Variants in KYNU observed in about 807,000 individuals in gnomAD.
KYNU encodes the protein L-kynurenine hydrolase.
In KYNU, 54 loss-of-function variants were observed where a neutral mutation model predicts 59.2. The ratio of observed to expected loss-of-function variants is 0.91; its 90% CI spans 0.73 to 1.14. KYNU has a LOEUF of 1.14. Ranked by LOEUF, KYNU falls within the 50% of genes most tolerant of loss-of-function variation. The probability of loss-of-function intolerance (pLI) is 0.00; values close to 1 mark genes in which losing one functional copy is unlikely to be tolerated. For synonymous variants in KYNU, 177 were observed against 192.0 expected (o/e 0.92, Z 0.65); for missense variants, 567 against 554.4 (o/e 1.02, Z -0.23).
At chr2:142,918,186 T>A (rs1288124458) in intron 2 of KYNU, among the ~76,000 whole-genome samples, 2 of 152,332 alleles carry the variant, frequency 1.3e-5, no homozygotes, top group South Asian at 2.1e-4. Flanking sequence ...TTGCATTTTT[T>A]AAAAAAATTG....
At chr2:142,984,459 C>T (rs1205283702) in intron 8 of KYNU, among the ~76,000 whole-genome samples, 2 of 152,002 alleles carry the variant, frequency 1.3e-5, no homozygotes, top group Non-Finnish European at 2.9e-5. Context: ...AAATACATCA[C>T]ACATGTGAAT....
rs1237392708 is a variant in KYNU, at chr2:143,046,371, C to A, written c.*4199C>A. On this transcript the variant is annotated 3_prime_UTR_variant, in exon 14 of 14. Coordinates refer to ENST00000264170, the MANE Select transcript of KYNU (RefSeq NM_003937.3). ...AGCTTTCCATTCATTTTCACTGCTG[C>A]TCAGTATTGTATTACAAATTTTACA... The A allele has an allele frequency of 6.6e-6, 1 of 152,082 alleles. No homozygotes were observed. The highest frequency in any genetic ancestry group is 1.5e-5 in the Non-Finnish European group (1 of 68,016). 9.4% of individuals were successfully genotyped at this position (152,082 alleles called of 1,614,324 possible). A position where few individuals can be genotyped will look rare whatever the true frequency, so the allele number is the denominator to read the frequency against.
chr2:142,984,070 A>G (rs1207685318), intron 8 of KYNU, among the ~76,000 whole-genome samples: 2 of 152,000 alleles, frequency 1.3e-5, no homozygotes, highest in Non-Finnish European at 2.9e-5. Context: ...GAGTTCTGGT[A>G]TGGAATTTGA....
At chr2:143,024,610 C>A (rs531790892) in intron 10 of KYNU, among the ~76,000 whole-genome samples, 2 of 152,032 alleles carry the variant, frequency 1.3e-5, no homozygotes, top group Non-Finnish European at 2.9e-5. Context: ...ACATTTGAAG[C>A]CAATCTGACA....
intron 10 of KYNU, 87 bp downstream of exon 10, chr2:142,986,108 T>C (rs1444336173): frequency 2.3e-6 from 2 of 880,396 alleles, no homozygotes; most frequent in African/African-American, 3.3e-5. Context: ...TTCCTTAAGA[T>C]GCTATCCAAT....
At chr2:143,014,695 G>A (rs150263723) in intron 10 of KYNU, among the ~76,000 whole-genome samples, 27 of 152,216 alleles carry the variant, frequency 1.8e-4, no homozygotes, top group African/African-American at 6.0e-4. Context: ...AGAAAGTTAC[G>A]GGAGACCATT....
chr2:142,975,818 T>C (rs1230664076), intron 8 of KYNU, among the ~76,000 whole-genome samples: 1 of 152,236 alleles, frequency 6.6e-6, no homozygotes, highest in African/African-American at 2.4e-5. Flanking sequence ...CCAGAGTTTT[T>C]AAATCACTAC....
chr2:142,913,086 G>GT (rs1300884232), intron 2 of KYNU, among the ~76,000 whole-genome samples: 7 of 152,088 alleles, frequency 4.6e-5, no homozygotes, highest in Non-Finnish European at 8.8e-5. Flanking sequence ...TGAATCCTCT[G>GT]TTTTTTTCTT....
intron 4 of KYNU, among the ~76,000 whole-genome samples, chr2:142,940,144 A>G (rs1461891689): frequency 7.1e-6 from 1 of 140,222 alleles, no homozygotes; most frequent in Admixed American, 6.8e-5. Flanking sequence ...GTTTGTGTTC[A>G]TTTGTTAGAA....
chr2:142,892,176 G>A (rs1311296641), intron 2 of KYNU, among the ~76,000 whole-genome samples: 1 of 152,246 alleles, frequency 6.6e-6, no homozygotes, highest in Non-Finnish European at 1.5e-5. Flanking sequence ...AGACTCCAAA[G>A]TGTTGGGATT....
At chr2:142,940,404 A>C (rs1253389353) in intron 4 of KYNU, among the ~76,000 whole-genome samples, 4 of 152,206 alleles carry the variant, frequency 2.6e-5, no homozygotes, top group Non-Finnish European at 5.9e-5. Flanking sequence ...TTATTCAGTG[A>C]GATTTATTTA....
chr2:142,896,811 G>T (rs188782700), intron 2 of KYNU, among the ~76,000 whole-genome samples: 1 of 152,160 alleles, frequency 6.6e-6, no homozygotes, highest in Non-Finnish European at 1.5e-5. Flanking sequence ...GCATTTCAGC[G>T]TACAAGTTGT....
At chr2:143,026,473 G>C (rs879395822) in intron 10 of KYNU, among the ~76,000 whole-genome samples, 1 of 152,238 alleles carries the variant, frequency 6.6e-6, no homozygotes, top group Non-Finnish European at 1.5e-5. Flanking sequence ...GAGTGCACGA[G>C]CGAACGAGTA....
rs142333936 is a variant in KYNU at position 142,961,651 on chromosome 2, G to C, written c.729+881G>C. ...ATTTTTTATACTGCCTGTAATGAGA[G>C]CTTTTTTTCCTACCCACTACTAAAT... is the stretch of plus-strand genomic sequence containing the variant. On this transcript the variant is annotated intron_variant, in intron 8 of 13. Transcript: ENST00000264170. 4.3e-3 allele frequency among the ~76,000 whole-genome samples: 655 copies of C among 151,994 alleles called. 4 individuals carry two copies. Among genetic ancestry groups the C allele is most frequent in the African/African-American group, 0.015 (634 of 41,456 alleles).
chr2:142,960,820 T>A, intron 8 of KYNU, 50 bp downstream of exon 8: 1 of 1,557,140 alleles, frequency 6.4e-7, no homozygotes, highest in Non-Finnish European at 8.9e-7. Flanking sequence ...ATCACTCTAC[T>A]TAAGAGTGTT....
intron 1 of KYNU, among the ~76,000 whole-genome samples, chr2:142,883,571 T>C (rs1681384497): frequency 6.6e-6 from 1 of 152,118 alleles, no homozygotes; most frequent in African/African-American, 2.4e-5. Context: ...TTCCCTCTTT[T>C]TCCCTCCCTA....
At chr2:142,908,875 C>T (rs572891628) in intron 2 of KYNU, among the ~76,000 whole-genome samples, 1 of 152,260 alleles carries the variant, frequency 6.6e-6, no homozygotes, top group Admixed American at 6.5e-5. Flanking sequence ...ACCTCGTGAT[C>T]CACCCACCTC....
chr2:142,917,583 T>A (rs192244613), intron 2 of KYNU, among the ~76,000 whole-genome samples: 1 of 152,290 alleles, frequency 6.6e-6, no homozygotes, highest in African/African-American at 2.4e-5. Context: ...ATTACAGGCA[T>A]GGGCCACTGT....
intron 10 of KYNU, among the ~76,000 whole-genome samples, chr2:143,000,825 T>A (rs111546506): frequency 6.6e-6 from 1 of 152,168 alleles, no homozygotes; most frequent in Non-Finnish European, 1.5e-5. Flanking sequence ...GTGCTTTTTT[T>A]CCTCTGGCCT....
Sources: gnomAD v4.1 joint callset for allele counts (sites outside exome capture counted in the v4.1 genomes callset) on GRCh38, gnomAD v4.1.1 for gene constraint, MANE v1.5 for transcripts, NCBI Gene and HGNC (gene_info 2026-07-23, HGNC 2026-07-21) for gene names.